Variants in DPYSL2 observed in about 807,000 individuals in gnomAD.
DPYSL2 encodes the protein dihydropyrimidinase-related protein 2.
DPYSL2 carries 13 observed loss-of-function variants against 69.9 expected under a neutral mutation model. The observed-to-expected ratio is 0.19, with a 90% confidence interval of 0.12 to 0.30. The LOEUF (loss-of-function observed/expected upper bound fraction) is 0.30. Among genes scored for constraint, DPYSL2 ranks in the 10% least tolerant of loss-of-function variants. DPYSL2 has a pLI of 1.00. For missense variants in DPYSL2, 587 were observed against 918.9 expected (o/e 0.64, Z 4.67); for synonymous variants, 326 against 359.1 (o/e 0.91, Z 1.04).
At position 26,613,516 on chromosome 8, in the gene DPYSL2, G is replaced by C. The variant is rs982706713; in HGVS notation, c.629-10627G>C. On this transcript the variant is annotated intron_variant, in intron 3 of 13. Transcript: ENST00000521913. ...GCAGGTACAGTCACCAGAGAGGCCC[G>C]CCTGCTTCAGCTGCATACCATGGGG... Among the ~76,000 whole-genome samples, 2 of 152,234 alleles carry C rather than the reference G, an allele frequency of 1.3e-5. 1 individual carries two copies. Among genetic ancestry groups the C allele is most frequent in the South Asian group, 4.1e-4 (2 of 4,832 alleles).
chr8:26,601,434 G>C (rs1251848448), intron 3 of DPYSL2, among the ~76,000 whole-genome samples: 1 of 151,774 alleles, frequency 6.6e-6, no homozygotes, highest in East Asian at 1.9e-4. Flanking sequence ...CTGGAGTGCG[G>C]TGGCGCCATC....
Position 26,626,593 on chromosome 8 carries a change from A to G in DPYSL2, c.794-24A>G. 6.2e-7 allele frequency: 1 copy of G among 1,611,928 alleles called. No individual in the cohort carries two copies. The highest frequency in any genetic ancestry group is 8.5e-7 in the Non-Finnish European group (1 of 1,178,536). ...TATTTGGTTTATCTATTAAAAGTCC[A>G]CTTCTCTATTTTGTCCGCACTAGGG... is the stretch of plus-strand genomic sequence containing the variant. On this transcript the variant is annotated intron_variant, in intron 4 of 13. Transcript: ENST00000521913. The surrounding 1 kb of genome is among the most constrained non-coding windows in gnomAD (Gnocchi z 4.3).
intron 1 of DPYSL2, among the ~76,000 whole-genome samples, chr8:26,568,091 A>C (rs2129681739): frequency 6.6e-6 from 1 of 152,342 alleles, no homozygotes. Context: ...TACTAACAGC[A>C]CAACTGCATT....
Position 26,533,978 on chromosome 8 carries a change from A to G in DPYSL2, c.354+19299A>G, listed in dbSNP as rs1800551201. Among the ~76,000 whole-genome samples, 1 of 152,184 alleles carries G rather than the reference A, an allele frequency of 6.6e-6. No homozygotes were observed. The highest frequency in any genetic ancestry group is 2.4e-5 in the African/African-American group (1 of 41,448). On this transcript the variant is annotated intron_variant, in intron 1 of 13. Transcript: ENST00000521913. This position sits in a 1 kb window ranked among gnomAD's most constrained non-coding sequence, Gnocchi z 4.8. ...AAGAGCTTAGGAGTTAGGAATTGGGAAGAAGCTGGGAAGTCCATGGGCTTT... is the reference window on the plus strand; with the variant it reads ...AAGAGCTTAGGAGTTAGGAATTGGGGAGAAGCTGGGAAGTCCATGGGCTTT...
intron 1 of DPYSL2, among the ~76,000 whole-genome samples, chr8:26,543,968 A>T (rs1469414700): frequency 6.6e-6 from 1 of 152,230 alleles, no homozygotes; most frequent in Non-Finnish European, 1.5e-5. Context: ...AAATAGGAAC[A>T]TTCTAGCCTA....
intron 11 of DPYSL2, among the ~76,000 whole-genome samples, chr8:26,651,218 C>A (rs1372659282): frequency 6.6e-6 from 1 of 152,226 alleles, no homozygotes; most frequent in Admixed American, 6.5e-5. Flanking sequence ...TTTCACCCAA[C>A]ATTGTATGCG....
At chr8:26,637,349 A>G (rs1802944767) in intron 8 of DPYSL2, among the ~76,000 whole-genome samples, 1 of 152,242 alleles carries the variant, frequency 6.6e-6, no homozygotes, top group Admixed American at 6.5e-5. Context: ...ACTTCCTAGC[A>G]ACTTTGGGAG....
chr8:26,637,602 G>A (rs1802949393), intron 8 of DPYSL2: 1 of 152,204 alleles, frequency 6.6e-6, no homozygotes, highest in African/African-American at 2.4e-5. Flanking sequence ...ACAGTGGCCT[G>A]ACACCCAGCA....
In DPYSL2 at chr8:26,514,094, C is replaced by A. The variant is rs1031357411; in HGVS notation, c.-232C>A. On this transcript the variant is annotated 5_prime_UTR_variant, in exon 1 of 14. Transcript: ENST00000521913. The surrounding 1 kb of genome is among the most constrained non-coding windows in gnomAD (Gnocchi z 8.4). ...TCCAACTTTGCCGCTTCCCCGAGCT[C>A]GCGCTGTAGCCGCGGGGGGCGTGGG... 1 of 380,198 alleles carries A rather than the reference C, an allele frequency of 2.6e-6. No homozygotes were observed. The allele number at this position is 380,198 out of a possible 1,614,324, so 23.6% of individuals were successfully genotyped here. A position where few individuals can be genotyped will look rare whatever the true frequency, so the allele number is the denominator to read the frequency against.
At chr8:26,578,519 C>G in intron 1 of DPYSL2, 1 of 1,418,640 alleles carries the variant, frequency 7.0e-7, no homozygotes, top group Non-Finnish European at 9.2e-7. Context: ...CGCGAGTGCA[C>G]GAAGGTAGCC....
In DPYSL2 at chr8:26,514,080, C is replaced by A. The variant is rs1231357181; in HGVS notation, c.-246C>A. 1 of 362,116 alleles carries A rather than the reference C, an allele frequency of 2.8e-6. No homozygotes were observed. Among genetic ancestry groups the A allele is most frequent in the Admixed American group, 4.8e-5 (1 of 21,002 alleles). 22.4% of individuals were successfully genotyped at this position (362,116 alleles called of 1,614,324 possible). ...GACGCCCTCCCAGATCCAACTTTGC[C>A]GCTTCCCCGAGCTCGCGCTGTAGCC... On this transcript the variant is annotated 5_prime_UTR_variant, in exon 1 of 14. Coordinates refer to ENST00000521913, the MANE Select transcript of DPYSL2 (RefSeq NM_001197293.3). The surrounding 1 kb of genome is among the most constrained non-coding windows in gnomAD (Gnocchi z 8.4).
rs1001589511 is a variant in DPYSL2, at chr8:26,565,703, G to A, written c.355-16266G>A. Among the ~76,000 whole-genome samples, 2 of 152,200 alleles carry A rather than the reference G, an allele frequency of 1.3e-5. No individual in the cohort carries two copies. Among genetic ancestry groups the A allele is most frequent in the African/African-American group, 4.8e-5 (2 of 41,448 alleles). On this transcript the variant is annotated intron_variant, in intron 1 of 13. Coordinates refer to ENST00000521913, the MANE Select transcript of DPYSL2 (RefSeq NM_001197293.3). This position sits in a 1 kb window ranked among gnomAD's most constrained non-coding sequence, Gnocchi z 4.1. ...ATGTATAATGACTCGAGCACAAAAG[G>A]AGTTTATTTGTATATCACATAATAG...
Position 26,517,796 on chromosome 8 carries a change from T to G in DPYSL2, c.354+3117T>G, listed in dbSNP as rs1808317263. 1.3e-5 allele frequency among the ~76,000 whole-genome samples: 2 copies of G among 152,252 alleles called. No individual in the cohort carries two copies. The highest frequency in any genetic ancestry group is 2.9e-5 in the Non-Finnish European group (2 of 68,050). ...CCAGGGCAGGTGCCGCTGAATGAAC[T>G]GCACAGTGCTGCTGAGCTTGGCAAT... On this transcript the variant is annotated intron_variant, in intron 1 of 13. Transcript: ENST00000521913. The surrounding 1 kb of genome is among the most constrained non-coding windows in gnomAD (Gnocchi z 4.2).
At position 26,569,365 on chromosome 8, in the gene DPYSL2, C is replaced by CAAA. The variant is rs1261164777; in HGVS notation, c.355-12601_355-12599dup. 1.5e-4 allele frequency among the ~76,000 whole-genome samples: 13 copies of CAAA among 88,792 alleles called. 1 individual carries two copies. Among genetic ancestry groups the CAAA allele is most frequent in the Admixed American group, 3.5e-4 (3 of 8,628 alleles). 58.3% of individuals were successfully genotyped at this position (88,792 alleles called of 152,430 possible). A position where few individuals can be genotyped will look rare whatever the true frequency, so the allele number is the denominator to read the frequency against. On this transcript the variant is annotated intron_variant, in intron 1 of 13. Coordinates refer to ENST00000521913, the MANE Select transcript of DPYSL2 (RefSeq NM_001197293.3). ...CAAGACCCTATCTCCAAAAAAAAAA[C>CAAA]AAAAACAAAAACAAAAAAAAACCAA...
At chr8:26,555,574 C>T (rs1323100661) in intron 1 of DPYSL2, among the ~76,000 whole-genome samples, 1 of 151,866 alleles carries the variant, frequency 6.6e-6, no homozygotes, top group Non-Finnish European at 1.5e-5. Flanking sequence ...CTACAATTCC[C>T]TATGCACAAA....
At position 26,643,836 on chromosome 8, in the gene DPYSL2, A is replaced by G. The variant is rs1053236613; in HGVS notation, c.1284-114A>G. 9.8e-5 allele frequency: 138 copies of G among 1,407,916 alleles called. No homozygotes were observed. The highest frequency in any genetic ancestry group is 1.3e-4 in the Non-Finnish European group (136 of 1,047,282). 87.2% of individuals were successfully genotyped at this position (1,407,916 alleles called of 1,614,324 possible). On this transcript the variant is annotated intron_variant, in intron 9 of 13. Transcript: ENST00000521913. This position sits in a 1 kb window ranked among gnomAD's most constrained non-coding sequence, Gnocchi z 6.5. ...AGCCAAGAAGGGAGAGGAGGCGTCA[A>G]AAGGACTCCACTTGGGTTGGTGTGA...
At position 26,564,520 on chromosome 8, in the gene DPYSL2, A is replaced by G. The variant is rs1801120203; in HGVS notation, c.355-17449A>G. On this transcript the variant is annotated intron_variant, in intron 1 of 13. Transcript: ENST00000521913. This position sits in a 1 kb window ranked among gnomAD's most constrained non-coding sequence, Gnocchi z 4.8. ...GTCTTCCTGTGAGACCTAGGGAAGG[A>G]GAAAAGAGGGGTGTGTGTGATGCTC... 6.6e-6 allele frequency among the ~76,000 whole-genome samples: 1 copy of G among 152,142 alleles called. No homozygotes were observed. The highest frequency in any genetic ancestry group is 1.5e-5 in the Non-Finnish European group (1 of 68,036).
At position 26,655,798 on chromosome 8, in the gene DPYSL2, T is replaced by G. The variant is rs4733059; in HGVS notation, c.*92T>G. 1,370 of 753,946 alleles carry G rather than the reference T, an allele frequency of 1.8e-3. No individual in the cohort carries two copies. Among genetic ancestry groups the G allele is most frequent in the South Asian group, 5.1e-3 (147 of 28,780 alleles). The allele number at this position is 753,946 out of a possible 1,614,324, so 46.7% of individuals were successfully genotyped here. The stretch of plus-strand genomic sequence containing the variant: ...TTCTTCCTTCCTTTTTTTTTTTTTG[T>G]TTTTTTTTTTAAGAGCCTGTGATAG... On this transcript the variant is annotated 3_prime_UTR_variant, in exon 14 of 14. Coordinates refer to ENST00000521913, the MANE Select transcript of DPYSL2 (RefSeq NM_001197293.3).
rs34631984 is a variant in DPYSL2, at chr8:26,527,804, C to CTTT, written c.354+13140_354+13142dup. ...AATGTATGGTTCTTATTTGTTTATC[C>CTTT]TTTTTTTTTTTTTTTTTAGATGGAG... On this transcript the variant is annotated intron_variant, in intron 1 of 13. Coordinates refer to ENST00000521913, the MANE Select transcript of DPYSL2 (RefSeq NM_001197293.3). Among the ~76,000 whole-genome samples the CTTT allele has an allele frequency of 0.012, 1,651 of 132,670 alleles. 71 individuals are homozygous for CTTT. The East Asian group carries it at 0.13, about 11-fold the overall frequency. 87.0% of individuals were successfully genotyped at this position (132,670 alleles called of 152,430 possible).
Sources: gnomAD v4.1 joint callset for allele counts (sites outside exome capture counted in the v4.1 genomes callset) on GRCh38, gnomAD v4.1.1 for gene constraint, Gnocchi (gnomAD v3.1) non-coding constraint, MANE v1.5 for transcripts, NCBI Gene and HGNC (gene_info 2026-07-23, HGNC 2026-07-21) for gene names.